LRRC1: variants seen among roughly 807,000 people sequenced by gnomAD.
The protein encoded by LRRC1 is leucine rich repeat containing 1, also known as leucine-rich repeat-containing protein 1.
A neutral mutation model predicts 69.9 loss-of-function variants in LRRC1; 28 were observed. The observed-to-expected ratio is 0.40, with a 90% CI of 0.30 to 0.55. The LOEUF (loss-of-function observed/expected upper bound fraction) is 0.55, where lower values mean the gene tolerates loss of function less well. Among genes scored for constraint, LRRC1 ranks in the 20% least tolerant of loss-of-function variants. The pLI is 0.47. For missense variants in LRRC1, 498 were observed against 609.0 expected (o/e 0.82, Z 1.92); for synonymous variants, 236 against 240.2 (o/e 0.98, Z 0.16).
chr6:53,897,006 G>T (rs1411636117), intron 6 of LRRC1, 114 bp downstream of exon 6: 2 of 714,342 alleles, frequency 2.8e-6, no homozygotes, highest in South Asian at 1.8e-5. Context: ...GATGTAACTT[G>T]GGGACACTAG....
At chr6:53,814,566 G>A (rs1484648642) in intron 1 of LRRC1, among the ~76,000 whole-genome samples, 1 of 152,230 alleles carries the variant, frequency 6.6e-6, no homozygotes, top group East Asian at 1.9e-4. Context: ...TCAGCAGTGA[G>A]TCCCCAAGGT....
chr6:53,877,083 G>A (rs1767096858), intron 2 of LRRC1, among the ~76,000 whole-genome samples: 1 of 152,172 alleles, frequency 6.6e-6, no homozygotes, highest in African/African-American at 2.4e-5. Context: ...CTGAAATCTA[G>A]CCAGAGGTTC....
chr6:53,896,932 A>G, intron 6 of LRRC1, 40 bp downstream of exon 6: 1 of 1,299,784 alleles, frequency 7.7e-7, no homozygotes, highest in Non-Finnish European at 1.1e-6. Context: ...CTTTGTTTTT[A>G]GTTATGATCA....
chr6:53,918,544 C>A (rs1323752455), intron 11 of LRRC1, among the ~76,000 whole-genome samples: 1 of 152,140 alleles, frequency 6.6e-6, no homozygotes, highest in Non-Finnish European at 1.5e-5. Flanking sequence ...AATACAGCTT[C>A]TTTTCATATC....
chr6:53,892,070 A>G (rs962779424), intron 4 of LRRC1, among the ~76,000 whole-genome samples: 1 of 151,938 alleles, frequency 6.6e-6, no homozygotes, highest in Non-Finnish European at 1.5e-5. Context: ...ATAAATATGT[A>G]TATACATAAA....
At chr6:53,866,904 A>T (rs1766719569) in intron 2 of LRRC1, among the ~76,000 whole-genome samples, 2 of 152,140 alleles carry the variant, frequency 1.3e-5, no homozygotes, top group Non-Finnish European at 1.5e-5. Flanking sequence ...AAGTCAGATC[A>T]GATGATGCAC....
intron 3 of LRRC1, among the ~76,000 whole-genome samples, chr6:53,881,381 C>T (rs1467901464): frequency 5.9e-5 from 9 of 152,202 alleles, no homozygotes; most frequent in Admixed American, 5.9e-4. Flanking sequence ...AGTAAAATAA[C>T]ACCTATTTAA....
intron 4 of LRRC1, 46 bp from the exon 5 acceptor site, chr6:53,896,452 C>A: frequency 6.6e-7 from 1 of 1,524,222 alleles, no homozygotes; most frequent in Non-Finnish European, 9.1e-7. Flanking sequence ...TAGGAAGAAT[C>A]TCAGGAATTT....
chr6:53,832,837 A>G (rs1365625729), intron 1 of LRRC1, among the ~76,000 whole-genome samples: 1 of 152,042 alleles, frequency 6.6e-6, no homozygotes, highest in African/African-American at 2.4e-5. Context: ...TCTCCCTAAA[A>G]TTTCTATTAC....
chr6:53,842,087 T>C, intron 1 of LRRC1, 23 bp from the exon 2 acceptor site: 3 of 1,423,790 alleles, frequency 2.1e-6, no homozygotes, highest in Non-Finnish European at 3.0e-6. Context: ...GTGAAATCTA[T>C]GTTAAACTCT....
Position 53,922,904 on chromosome 6 carries a change from T to A in LRRC1, c.*111T>A. On this transcript the variant is annotated 3_prime_UTR_variant, in exon 14 of 14. Transcript: ENST00000370888. ...TGTCCTAACCAGCCCCCGCGCGCCA[T>A]CTTCCCGTGGAGTGTGGGGAAGCTG... The A allele has an allele frequency of 9.5e-7, 1 of 1,049,024 alleles. No individual in the cohort carries two copies. The highest frequency in any genetic ancestry group is 1.4e-6 in the Non-Finnish European group (1 of 715,272). The allele number at this position is 1,049,024 out of a possible 1,614,324, so 65.0% of individuals were successfully genotyped here.
chr6:53,882,078 G>A (rs536775970), intron 3 of LRRC1, among the ~76,000 whole-genome samples: 2 of 152,336 alleles, frequency 1.3e-5, no homozygotes, highest in African/African-American at 4.8e-5. Flanking sequence ...AGTTGTCGCG[G>A]TGGCTCACAC....
intron 2 of LRRC1, among the ~76,000 whole-genome samples, chr6:53,851,706 G>GACAC (rs554199313): frequency 6.6e-6 from 1 of 151,834 alleles, no homozygotes; most frequent in African/African-American, 2.4e-5. Context: ...AGATACCACA[G>GACAC]ACACACACAC....
At chr6:53,920,366 A>G (rs908678942) in intron 12 of LRRC1, among the ~76,000 whole-genome samples, 1 of 152,234 alleles carries the variant, frequency 6.6e-6, no homozygotes, top group East Asian at 1.9e-4. Context: ...AATTTAGCAG[A>G]TATTTTATAT....
intron 13 of LRRC1, 144 bp downstream of exon 13, chr6:53,920,905 T>G: frequency 1.3e-6 from 1 of 795,374 alleles, no homozygotes; most frequent in Non-Finnish European, 2.0e-6. Flanking sequence ...AAGACAAAGA[T>G]AGGTAATTCT....
At chr6:53,885,236 T>G (rs981119267) in intron 4 of LRRC1, among the ~76,000 whole-genome samples, 1 of 152,214 alleles carries the variant, frequency 6.6e-6, no homozygotes, top group East Asian at 1.9e-4. Flanking sequence ...AACAGTGAAT[T>G]GTTGAGGAAA....
chr6:53,898,106 G>A (rs1194516633), intron 7 of LRRC1, among the ~76,000 whole-genome samples: 1 of 152,210 alleles, frequency 6.6e-6, no homozygotes, highest in African/African-American at 2.4e-5. Flanking sequence ...TGTATTTTCA[G>A]TGGGGAATGC....
At chr6:53,817,602 C>T (rs772869115) in intron 1 of LRRC1, among the ~76,000 whole-genome samples, 12 of 152,256 alleles carry the variant, frequency 7.9e-5, no homozygotes, top group Admixed American at 2.6e-4. Context: ...TTTGTACCCC[C>T]TTAAGAATGG....
intron 1 of LRRC1, among the ~76,000 whole-genome samples, chr6:53,812,756 A>T (rs1303141983): frequency 6.6e-6 from 1 of 151,372 alleles, no homozygotes; most frequent in East Asian, 1.9e-4. Flanking sequence ...TAAATAAAAG[A>T]TCAAACCTGT....
Sources: gnomAD v4.1 joint callset for allele counts (sites outside exome capture counted in the v4.1 genomes callset) on GRCh38, gnomAD v4.1.1 for gene constraint, MANE v1.5 for transcripts, NCBI Gene and HGNC (gene_info 2026-07-23, HGNC 2026-07-21) for gene names.